The following ZWILCH variants were observed in gnomAD, a reference collection of about 807,000 sequenced individuals.
ZWILCH encodes the protein protein zwilch homolog.
Under a neutral mutation model 79.9 loss-of-function variants are expected in ZWILCH, and 74 were observed. The ratio of observed to expected loss-of-function variants is 0.93; its 90% CI spans 0.77 to 1.12. ZWILCH has a LOEUF of 1.12. Among genes scored for constraint, ZWILCH ranks in the 50% most tolerant of loss-of-function variants. The probability of loss-of-function intolerance (pLI) is 0.00; values close to 1 mark genes in which losing one functional copy is unlikely to be tolerated. For missense variants in ZWILCH, 694 were observed against 687.5 expected (o/e 1.01, Z -0.11); for synonymous variants, 241 against 228.2 (o/e 1.06, Z -0.51).
At chr15:66,544,196 T>G (rs12900573) in intron 17 of ZWILCH, among the ~76,000 whole-genome samples, 10,435 of 150,234 alleles carry the variant, frequency 0.069, 419 homozygotes, top group Middle Eastern at 0.11. Flanking sequence ...AGCAGAGGTT[T>G]CAGTGAGCCG....
Position 66,505,351 on chromosome 15 carries a change from C to A in ZWILCH, c.13C>A (p.Leu5Met), listed in dbSNP as rs1000289102. MWER[L>M]NCAAEDFYSR... The stretch of plus-strand genomic sequence containing the variant: ...ACATTGGGGCGGGATGTGGGAGCGG[C>A]TGAACTGCGCAGCAGAGGACTTTTA... The change falls in exon 1 of 19, where the codon CTG (leucine) becomes ATG (methionine). Residue 5 changes from leucine (L) to methionine (M), a missense_variant. Transcript: ENST00000307897. The A allele has an allele frequency of 1.9e-6, 3 of 1,613,940 alleles. No individual in the cohort carries two copies. The highest frequency in any genetic ancestry group is 1.7e-6 in the Non-Finnish European group (2 of 1,180,036).
intron 12 of ZWILCH, 90 bp from the exon 13 acceptor site, chr15:66,532,157 G>A (rs1894870102): frequency 1.0e-6 from 1 of 999,968 alleles, no homozygotes; most frequent in African/African-American, 1.7e-5. Context: ...ATAATTTTTA[G>A]TTTGTAGCTA....
chr15:66,516,803 G>A (rs1173481815), intron 4 of ZWILCH, among the ~76,000 whole-genome samples: 1 of 152,206 alleles, frequency 6.6e-6, no homozygotes. Context: ...ACTGCGCCCA[G>A]CCTAGAAGTT....
chr15:66,515,165 G>A (rs978142903), intron 3 of ZWILCH, among the ~76,000 whole-genome samples: 4 of 150,604 alleles, frequency 2.7e-5, no homozygotes, highest in Non-Finnish European at 5.9e-5. Flanking sequence ...GCCTTGGTTT[G>A]TCTCGACCTC....
At chr15:66,507,547 G>C (rs765579653) in intron 1 of ZWILCH, among the ~76,000 whole-genome samples, 1 of 152,146 alleles carries the variant, frequency 6.6e-6, no homozygotes, top group African/African-American at 2.4e-5. Context: ...AAGCCCTATA[G>C]CTAAATTTCT....
chr15:66,518,259 GGTT>G lies in ZWILCH; in HGVS notation c.321-613_321-611del, dbSNP rs1383800711. Among the ~76,000 whole-genome samples, 5 of 150,796 alleles carry G rather than the reference GGTT, an allele frequency of 3.3e-5. No homozygotes were observed. In the East Asian group the frequency reaches 5.8e-4, roughly 18 times the overall value. ...CATACATGTTGCTATTTAAGTTTTA[GGTT>G]GTTGTTTCTGTGAGACCTCTCGTGT... On this transcript the variant is annotated intron_variant, in intron 4 of 18. Transcript: ENST00000307897.
At chr15:66,545,811 A>C (rs1895353220) in intron 17 of ZWILCH, among the ~76,000 whole-genome samples, 1 of 152,236 alleles carries the variant, frequency 6.6e-6, no homozygotes, top group South Asian at 2.1e-4. Flanking sequence ...TATGGCCTAA[A>C]ATGTTTAATT....
chr15:66,513,996 C>T lies in ZWILCH; in HGVS notation c.114C>T (p.Val38=). The change falls in exon 3 of 19, where the codon GTC becomes GTT. Residue 38 remains valine, a synonymous_variant. Coordinates refer to ENST00000307897, the MANE Select transcript of ZWILCH (RefSeq NM_017975.5). The part of the protein sequence containing the change: ...RKDPFLYEAD[V]QVQLISKGQP... ...GATACCTGTTTTAACAGGCTGATGT[C>T]CAAGTGCAGTTGATCAGCAAAGGCC... 1 of 1,610,056 alleles carries T rather than the reference C, an allele frequency of 6.2e-7. No individual in the cohort carries two copies. Among genetic ancestry groups the T allele is most frequent in the Non-Finnish European group, 8.5e-7 (1 of 1,178,454 alleles).
intron 4 of ZWILCH, among the ~76,000 whole-genome samples, chr15:66,518,675 G>A (rs1001802677): frequency 2.0e-5 from 3 of 152,212 alleles, no homozygotes; most frequent in Non-Finnish European, 4.4e-5. Context: ...GCCTGATGCA[G>A]TGGCTTGTAT....
intron 15 of ZWILCH, among the ~76,000 whole-genome samples, chr15:66,536,817 A>G (rs1183075382): frequency 6.6e-6 from 1 of 151,952 alleles, no homozygotes; most frequent in African/African-American, 2.4e-5. Flanking sequence ...TGGAAGCTGT[A>G]CTTTTGTTTC....
In ZWILCH at chr15:66,521,205, G is replaced by A. The variant is rs1286774387; in HGVS notation, c.747G>A (p.Leu249=). ...CTCCACTCTCTTCAACTGCAACTCT[G>A]GTAAGAGTGGGCCCTATTTCCTTTT... The part of the protein sequence containing the change: ...QIPPLSSTAT[L]NIKVESGEPR... The change falls in exon 7 of 19, where the codon CTG becomes CTA. Residue 249 remains leucine (L), a splice_region_variant and synonymous_variant. Coordinates refer to ENST00000307897, the MANE Select transcript of ZWILCH (RefSeq NM_017975.5). 12 of 1,609,314 alleles carry A rather than the reference G, an allele frequency of 7.5e-6. No homozygotes were observed. Among genetic ancestry groups the A allele is most frequent in the Non-Finnish European group, 9.3e-6 (11 of 1,179,890 alleles).
intron 14 of ZWILCH, among the ~76,000 whole-genome samples, chr15:66,535,271 G>A (rs1237660816): frequency 6.6e-6 from 1 of 152,160 alleles, no homozygotes; most frequent in Non-Finnish European, 1.5e-5. Flanking sequence ...TTGAGGAATA[G>A]TTTTGTTCAT....
chr15:66,526,229 T>C (rs936951613), intron 8 of ZWILCH, among the ~76,000 whole-genome samples: 1 of 152,248 alleles, frequency 6.6e-6, no homozygotes, highest in African/African-American at 2.4e-5. Context: ...CAACATTGGC[T>C]GTTTTCTGCC....
chr15:66,517,428 G>GTGTGTGTGTGTATATATATATATA (rs1479759555), intron 4 of ZWILCH, among the ~76,000 whole-genome samples: 6 of 22,488 alleles, frequency 2.7e-4, no homozygotes, highest in African/African-American at 8.9e-4. Flanking sequence ...GTGTGTGTGT[G>GTGTGTGTGTGTATATATATATATA]TGTATATATA....
At chr15:66,520,378 C>T in intron 5 of ZWILCH, 4 of 447,958 alleles carry the variant, frequency 8.9e-6, no homozygotes, top group East Asian at 9.4e-5. Flanking sequence ...TCCTTGGCCT[C>T]CTAAAGTGCT....
chr15:66,517,105 T>G (rs1894291413), intron 4 of ZWILCH, among the ~76,000 whole-genome samples: 1 of 152,126 alleles, frequency 6.6e-6, no homozygotes, highest in Non-Finnish European at 1.5e-5. Context: ...AAGCCACATT[T>G]TTTGGTGACT....
At chr15:66,521,766 G>A (rs1229590094) in intron 7 of ZWILCH, among the ~76,000 whole-genome samples, 2 of 151,998 alleles carry the variant, frequency 1.3e-5, no homozygotes, top group Non-Finnish European at 2.9e-5. Context: ...AGTGGCTCAC[G>A]CCGGGATTAT....
intron 17 of ZWILCH, among the ~76,000 whole-genome samples, chr15:66,543,759 A>G (rs1002316373): frequency 9.3e-5 from 13 of 139,632 alleles, no homozygotes; most frequent in Admixed American, 4.9e-4. Context: ...CCTGTCTCAG[A>G]AAAAAAAAAA....
At chr15:66,537,061 G>T in intron 15 of ZWILCH, 107 bp from the exon 16 acceptor site, 1 of 671,082 alleles carries the variant, frequency 1.5e-6, no homozygotes, top group Non-Finnish European at 2.5e-6. Context: ...TGATGTTTTA[G>T]TTAGTAGTAC....
Sources: allele counts gnomAD v4.1 joint callset (sites outside exome capture counted in the v4.1 genomes callset), GRCh38; gene constraint gnomAD v4.1.1; transcripts MANE v1.5; gene names NCBI Gene and HGNC (gene_info 2026-07-23, HGNC 2026-07-21).